The following NCBP3 variants were observed in gnomAD, a reference collection of about 807,000 sequenced individuals.
NCBP3 encodes the protein nuclear cap binding subunit 3, also known as nuclear cap-binding protein subunit 3.
NCBP3 carries 20 observed loss-of-function variants against 75.7 expected under a neutral mutation model. That is an observed-to-expected ratio of 0.26 (90% confidence interval 0.19 to 0.38). NCBP3 has a LOEUF of 0.38. NCBP3 is among the 10% of genes least tolerant of loss of function. NCBP3 has a pLI of 1.00. For synonymous variants in NCBP3, 293 were observed against 290.5 expected (o/e 1.01, Z -0.09); for missense variants, 678 against 796.9 (o/e 0.85, Z 1.80).
chr17:3,833,731 T>C (rs920001116), intron 3 of NCBP3, among the ~76,000 whole-genome samples: 1 of 152,216 alleles, frequency 6.6e-6, no homozygotes, highest in Admixed American at 6.5e-5. Context: ...CACCTGTATG[T>C]AGGTTTTTTT....
chr17:3,825,902 A>AGTTCATCTTGTAT, intron 5 of NCBP3, 59 bp from the exon 6 acceptor site: 1 of 1,434,810 alleles, frequency 7.0e-7, no homozygotes, highest in Non-Finnish European at 9.6e-7. Flanking sequence ...ATAATGAGAT[A>AGTTCATCTTGTAT]CAAGATGAAC....
At chr17:3,828,572 G>A (rs890479607) in intron 4 of NCBP3, among the ~76,000 whole-genome samples, 7 of 152,124 alleles carry the variant, frequency 4.6e-5, no homozygotes, top group Admixed American at 2.6e-4. Context: ...AGCCAGACTA[G>A]AAGTAAGTCA....
intron 3 of NCBP3, among the ~76,000 whole-genome samples, chr17:3,838,747 G>C (rs1312421326): frequency 6.6e-6 from 1 of 152,190 alleles, no homozygotes; most frequent in Non-Finnish European, 1.5e-5. Flanking sequence ...ACTTCTTTGA[G>C]CCTGCTTCCT....
rs1041209505 is a variant in NCBP3, at chr17:3,802,959, T to C, written c.*10085A>G. 5 of 152,206 alleles carry C rather than the reference T, an allele frequency of 3.3e-5. No homozygotes were observed. Among genetic ancestry groups the C allele is most frequent in the African/African-American group, 4.8e-5 (2 of 41,430 alleles). The allele number at this position is 152,206 out of a possible 1,614,324, so 9.4% of individuals were successfully genotyped here. On this transcript the variant is annotated 3_prime_UTR_variant, in exon 13 of 13. Coordinates refer to ENST00000389005, the MANE Select transcript of NCBP3 (RefSeq NM_001114118.3). ...GCGGACTCATCCTGCATCCATCCAG[T>C]ATGTATTTATCCAAGCGTCAGTGCC...
At position 3,834,735 on chromosome 17, in the gene NCBP3, C is replaced by T. The variant is rs141988388; in HGVS notation, c.355+5365G>A. The stretch of plus-strand genomic sequence containing the variant: ...GACCACCCTGGGCAACACAGTGAGA[C>T]CCCATCTCTAAAAAATAAATAAATA... On this transcript the variant is annotated intron_variant, in intron 3 of 12. Coordinates refer to ENST00000389005, the MANE Select transcript of NCBP3 (RefSeq NM_001114118.3). Among the ~76,000 whole-genome samples, 791 of 152,102 alleles carry T rather than the reference C, an allele frequency of 5.2e-3. 10 individuals carry two copies. The highest frequency in any genetic ancestry group is 0.018 in the African/African-American group (753 of 41,488).
intron 4 of NCBP3, among the ~76,000 whole-genome samples, chr17:3,827,589 C>T (rs150545538): frequency 1.3e-5 from 2 of 152,330 alleles, no homozygotes; most frequent in East Asian, 1.9e-4. Flanking sequence ...CAAAACTATG[C>T]GTCCCCTATA....
At position 3,806,999 on chromosome 17, in the gene NCBP3, A is replaced by AT. The variant is rs2053343823; in HGVS notation, c.*6044dup. On this transcript the variant is annotated 3_prime_UTR_variant, in exon 13 of 13. Coordinates refer to ENST00000389005, the MANE Select transcript of NCBP3 (RefSeq NM_001114118.3). ...TAGCAACTAATTCATCTGTGAAGCC[A>AT]TGGTTTGCTGTGGCTTCACAGTAAA... 1 of 152,240 alleles carries AT rather than the reference A, an allele frequency of 6.6e-6. No individual in the cohort carries two copies. Among genetic ancestry groups the AT allele is most frequent in the African/African-American group, 2.4e-5 (1 of 41,458 alleles). The allele number at this position is 152,240 out of a possible 1,614,324, so 9.4% of individuals were successfully genotyped here.
chr17:3,832,437 T>C (rs190971098), intron 3 of NCBP3, among the ~76,000 whole-genome samples: 4,113 of 118,240 alleles, frequency 0.035, 1,143 homozygotes, highest in Middle Eastern at 0.057. Context: ...GAGACCATCC[T>C]GGCCAACACG....
intron 1 of NCBP3, among the ~76,000 whole-genome samples, chr17:3,845,273 T>C (rs931456964): frequency 6.6e-6 from 1 of 152,208 alleles, no homozygotes; most frequent in Non-Finnish European, 1.5e-5. Context: ...AGTCTAAATA[T>C]GTTGACATGT....
intron 7 of NCBP3, chr17:3,824,315 G>C: frequency 6.6e-6 from 1 of 151,386 alleles, no homozygotes; most frequent in East Asian, 1.9e-4. Context: ...GTGTATATGT[G>C]TATAATACAT....
At chr17:3,826,756 A>G (rs1312228472) in intron 4 of NCBP3, among the ~76,000 whole-genome samples, 4 of 148,276 alleles carry the variant, frequency 2.7e-5, no homozygotes, top group Non-Finnish European at 5.9e-5. Flanking sequence ...AAAAAGAGAG[A>G]GAGAGAAAGC....
At chr17:3,830,389 G>C (rs893315276) in intron 3 of NCBP3, among the ~76,000 whole-genome samples, 1 of 152,140 alleles carries the variant, frequency 6.6e-6, no homozygotes, top group Non-Finnish European at 1.5e-5. Context: ...ATGTATCACA[G>C]AGTGAAAAAA....
chr17:3,836,233 T>G (rs1042842062), intron 3 of NCBP3, among the ~76,000 whole-genome samples: 3 of 152,194 alleles, frequency 2.0e-5, no homozygotes, highest in African/African-American at 7.2e-5. Flanking sequence ...GTCACTTAAA[T>G]GACGGCTGGG....
chr17:3,837,979 G>A (rs1489992025), intron 3 of NCBP3, among the ~76,000 whole-genome samples: 3 of 150,804 alleles, frequency 2.0e-5, no homozygotes, highest in African/African-American at 7.4e-5. Context: ...GGAGTTGTAC[G>A]TTAAAAAAAA....
intron 8 of NCBP3, 30 bp from the exon 9 acceptor site, chr17:3,821,382 C>A (rs772344264): frequency 6.5e-7 from 1 of 1,544,800 alleles, no homozygotes; most frequent in Non-Finnish European, 8.9e-7. Flanking sequence ...AGCACACAAT[C>A]AAAAACTGAT....
intron 12 of NCBP3, 61 bp downstream of exon 12, chr17:3,814,261 A>G: frequency 6.5e-7 from 1 of 1,537,182 alleles, no homozygotes; most frequent in Non-Finnish European, 8.9e-7. Context: ...TTTCTCCAAT[A>G]CACCCACTGT....
Position 3,826,078 on chromosome 17 carries a change from T to C in NCBP3, c.610+9A>G. ...TTTCAGACCCCAGTTCCCTCCTTTG[T>C]GTTGTTACCTTTTTTCCTTTTCTCA... On this transcript the variant is annotated intron_variant, in intron 5 of 12. Transcript: ENST00000389005. 1 of 1,550,546 alleles carries C rather than the reference T, an allele frequency of 6.4e-7. No homozygotes were observed. The highest frequency in any genetic ancestry group is 1.4e-5 in the African/African-American group (1 of 73,092).
Position 3,846,229 on chromosome 17 carries a change from C to G in NCBP3, c.-6G>C. 1 of 1,422,640 alleles carries G rather than the reference C, an allele frequency of 7.0e-7. No individual in the cohort carries two copies. Among genetic ancestry groups the G allele is most frequent in the Non-Finnish European group, 9.1e-7 (1 of 1,096,026 alleles). 88.1% of individuals were successfully genotyped at this position (1,422,640 alleles called of 1,614,324 possible). ...AGGCCCCGTACGGCCGCCATCGCTG[C>G]CTGCCGGCCGCACCACTGAGAGCCC... On this transcript the variant is annotated 5_prime_UTR_variant, in exon 1 of 13. Coordinates refer to ENST00000389005, the MANE Select transcript of NCBP3 (RefSeq NM_001114118.3). The surrounding 1 kb of genome is among the most constrained non-coding windows in gnomAD (Gnocchi z 4.6).
chr17:3,845,420 C>A (rs2054144387), intron 1 of NCBP3, among the ~76,000 whole-genome samples: 2 of 152,088 alleles, frequency 1.3e-5, no homozygotes, highest in Non-Finnish European at 2.9e-5. Context: ...AAAGGAGGGA[C>A]CAAGGATGTC....
Sources: allele counts gnomAD v4.1 joint callset (sites outside exome capture counted in the v4.1 genomes callset), GRCh38; gene constraint gnomAD v4.1.1; non-coding constraint Gnocchi (gnomAD v3.1); transcripts MANE v1.5; gene names NCBI Gene and HGNC (gene_info 2026-07-23, HGNC 2026-07-21).